Variants in CTNND2 observed in about 807,000 individuals in gnomAD.
The protein encoded by CTNND2 is catenin delta 2.
A neutral mutation model predicts 144.4 loss-of-function variants in CTNND2; 22 were observed. The observed-to-expected ratio is 0.15, with a 90% CI of 0.11 to 0.22. The LOEUF is 0.22. Among genes scored for constraint, CTNND2 ranks in the 10% least tolerant of loss-of-function variants. The pLI is 1.00. For synonymous variants in CTNND2, 751 were observed against 695.6 expected, an observed-to-expected ratio of 1.08 and a Z score of -1.25; for missense variants, 1,353 against 1,618.8, an observed-to-expected ratio of 0.84 and a Z score of 2.82.
intron 2 of CTNND2, among the ~76,000 whole-genome samples, chr5:11,614,020 T>C (rs1371142717): frequency 2.0e-5 from 3 of 152,192 alleles, no homozygotes; most frequent in Non-Finnish European, 2.9e-5. Flanking sequence ...GTAAAATGTC[T>C]GCCAATTGAA....
chr5:10,983,330 G>T (rs759042680), intron 20 of CTNND2, among the ~76,000 whole-genome samples: 45 of 152,036 alleles, frequency 3.0e-4, no homozygotes, highest in Non-Finnish European at 5.9e-4. Context: ...ATGCTGTCTT[G>T]TGTCAGTGGG....
intron 3 of CTNND2, among the ~76,000 whole-genome samples, chr5:11,469,528 G>A (rs2244828): frequency 0.46 from 69,846 of 151,894 alleles, 17,250 homozygotes; most frequent in African/African-American, 0.64. Flanking sequence ...AAGTCAGTCC[G>A]TCAGCTGACA....
At chr5:11,146,982 G>C (rs1176101370) in intron 12 of CTNND2, among the ~76,000 whole-genome samples, 9 of 152,134 alleles carry the variant, frequency 5.9e-5, no homozygotes, top group Non-Finnish European at 1.3e-4. Flanking sequence ...TCCTTGCTTG[G>C]TGCTGATTAG....
chr5:11,009,971 G>A (rs373286170), intron 18 of CTNND2, among the ~76,000 whole-genome samples: 6 of 152,160 alleles, frequency 3.9e-5, no homozygotes, highest in Admixed American at 1.3e-4. Context: ...ACAAGTAAAC[G>A]TCCAGATTTA....
intron 16 of CTNND2, among the ~76,000 whole-genome samples, chr5:11,079,150 TA>T (rs1749268792): frequency 8.1e-6 from 1 of 123,174 alleles, no homozygotes; most frequent in African/African-American, 3.8e-5. Flanking sequence ...CATGTAACTA[TA>T]AAAACATTTT....
chr5:11,758,030 C>T (rs1384847771), intron 1 of CTNND2, among the ~76,000 whole-genome samples: 5 of 151,920 alleles, frequency 3.3e-5, no homozygotes, highest in African/African-American at 7.2e-5. Flanking sequence ...CCAGAATAGT[C>T]AATGTTTGGA....
intron 15 of CTNND2, among the ~76,000 whole-genome samples, chr5:11,091,508 T>C (rs777441489): frequency 3.9e-5 from 6 of 152,232 alleles, no homozygotes; most frequent in Non-Finnish European, 7.3e-5. Context: ...TGCAGGATAG[T>C]TTTTAGTTGT....
intron 18 of CTNND2, among the ~76,000 whole-genome samples, chr5:11,009,004 A>G (rs1740783346): frequency 6.6e-6 from 1 of 152,240 alleles, no homozygotes; most frequent in Non-Finnish European, 1.5e-5. Context: ...GGCCCCTTCC[A>G]GGGTCTGTAC....
intron 7 of CTNND2, among the ~76,000 whole-genome samples, chr5:11,366,085 C>T (rs532222403): frequency 2.5e-4 from 38 of 152,244 alleles, no homozygotes; most frequent in African/African-American, 8.2e-4. Context: ...TTGATCTTGG[C>T]CATGTCGGGA....
At chr5:11,739,223 G>A (rs377332895) in intron 1 of CTNND2, among the ~76,000 whole-genome samples, 1 of 152,232 alleles carries the variant, frequency 6.6e-6, no homozygotes, top group East Asian at 1.9e-4. Context: ...TCTTCCATCT[G>A]CAGCTGAATC....
chr5:11,306,819 G>C (rs1750266632), intron 9 of CTNND2, among the ~76,000 whole-genome samples: 1 of 152,228 alleles, frequency 6.6e-6, no homozygotes, highest in Non-Finnish European at 1.5e-5. Context: ...AGAATGAAGT[G>C]TGATCTTAAA....
At chr5:11,584,472 C>T (rs79950558) in intron 2 of CTNND2, among the ~76,000 whole-genome samples, 2,046 of 144,634 alleles carry the variant, frequency 0.014, 46 homozygotes, top group African/African-American at 0.045. Context: ...CACCGACTAA[C>T]TCAATATTTT....
chr5:10,982,444 TGAA>T (rs1737404784), intron 20 of CTNND2, among the ~76,000 whole-genome samples: 1 of 152,194 alleles, frequency 6.6e-6, no homozygotes, highest in Admixed American at 6.5e-5. Context: ...ACGAAAGAGA[TGAA>T]GGTCTCCTCT....
intron 21 of CTNND2, among the ~76,000 whole-genome samples, chr5:10,976,860 G>A (rs1003228823): frequency 6.6e-6 from 1 of 152,322 alleles, no homozygotes; most frequent in African/African-American, 2.4e-5. Context: ...GAAAGACTCA[G>A]AGTGTTCACA....
chr5:11,040,504 A>T (rs1431956036), intron 16 of CTNND2, among the ~76,000 whole-genome samples: 1 of 152,194 alleles, frequency 6.6e-6, no homozygotes, highest in East Asian at 1.9e-4. Flanking sequence ...ATGTTTCAGC[A>T]CCTTGTCTCA....
At chr5:11,712,215 A>T (rs1352181675) in intron 2 of CTNND2, among the ~76,000 whole-genome samples, 1 of 152,206 alleles carries the variant, frequency 6.6e-6, no homozygotes, top group East Asian at 1.9e-4. Flanking sequence ...AGGGAGAAAA[A>T]GGCTTTAACC....
chr5:11,242,960 GA>G (rs1742610305), intron 9 of CTNND2, among the ~76,000 whole-genome samples: 1 of 152,116 alleles, frequency 6.6e-6, no homozygotes, highest in African/African-American at 2.4e-5. Context: ...GAAAGTGCTT[GA>G]TCAACTACTA....
At chr5:11,835,854 T>C (rs1342626738) in intron 1 of CTNND2, among the ~76,000 whole-genome samples, 1 of 152,200 alleles carries the variant, frequency 6.6e-6, no homozygotes, top group Non-Finnish European at 1.5e-5. Context: ...TTGTTTTGGT[T>C]TCATTTCCCA....
chr5:10,999,665 T>C (rs937153820), intron 18 of CTNND2, among the ~76,000 whole-genome samples: 5 of 152,254 alleles, frequency 3.3e-5, no homozygotes, highest in African/African-American at 9.6e-5. Flanking sequence ...GTGCCTCAAA[T>C]TGGTTTTTAT....
Sources: allele counts gnomAD v4.1 joint callset (sites outside exome capture counted in the v4.1 genomes callset), GRCh38; gene constraint gnomAD v4.1.1; transcripts MANE v1.5; gene names NCBI Gene and HGNC (gene_info 2026-07-23, HGNC 2026-07-21).